PXMP2: variants seen among roughly 807,000 people sequenced by gnomAD.
PXMP2 encodes the protein peroxisomal membrane protein 2, also known as 22 kDa peroxisomal membrane protein.
A neutral mutation model predicts 20.2 loss-of-function variants in PXMP2; 13 were observed. The ratio of observed to expected loss-of-function variants is 0.64; its 90% confidence interval spans 0.42 to 1.02. The LOEUF is 1.02. PXMP2 is among the 50% of genes least tolerant of loss of function. The pLI is 0.00. For missense variants in PXMP2, 284 were observed against 251.8 expected (o/e 1.13, Z -0.87); for synonymous variants, 113 against 111.2 (o/e 1.02, Z -0.10).
chr12:132,689,294 C>T (rs1216342338), intron 1 of PXMP2, among the ~76,000 whole-genome samples: 1 of 151,718 alleles, frequency 6.6e-6, no homozygotes, highest in Non-Finnish European at 1.5e-5. Context: ...CTGCGGGGCG[C>T]GGGTCCGCAC....
Position 132,701,255 on chromosome 12 carries a change from A to G in PXMP2, c.405A>G (p.Lys135=), listed in dbSNP as rs1195804551. Residue 135 remains lysine, a synonymous_variant, in exon 4 of 5, where the codon AAA becomes AAG. Transcript: ENST00000317479. ...FFLIMNFLEG[K]DASAFAAKMR... is the part of the protein sequence containing the mutation. ...CCGCCTTCCCTCCTTTGCAGGGGAA[A>G]GACGCCTCAGCCTTCGCCGCCAAGA... 5.6e-6 allele frequency: 9 copies of G among 1,613,488 alleles called. No homozygotes were observed. In the Admixed American group the frequency reaches 1.5e-4, roughly 27 times the overall value.
Position 132,696,162 on chromosome 12 carries a change from G to A in PXMP2, c.399+116G>A. On this transcript the variant is annotated intron_variant, in intron 3 of 4. Transcript: ENST00000317479. This position sits in a 1 kb window ranked among gnomAD's most constrained non-coding sequence, Gnocchi z 4.4. ...GATTTTTCACTCAAATTGAAATTTT[G>A]CATTTTCTTTTATGAATATAGGAAG... is the stretch of plus-strand genomic sequence containing the variant. The A allele has an allele frequency of 1.6e-6, 2 of 1,278,774 alleles. No individual in the cohort carries two copies. The highest frequency in any genetic ancestry group is 1.7e-5 in the South Asian group (1 of 58,336). The allele number at this position is 1,278,774 out of a possible 1,614,324, so 79.2% of individuals were successfully genotyped here.
intron 3 of PXMP2, among the ~76,000 whole-genome samples, chr12:132,699,837 G>A (rs187876968): frequency 5.9e-5 from 9 of 152,186 alleles, no homozygotes; most frequent in Non-Finnish European, 1.2e-4. Flanking sequence ...AACACACGAG[G>A]GCAGGGATTG....
chr12:132,693,286 G>T (rs554025385), intron 2 of PXMP2, among the ~76,000 whole-genome samples: 2 of 52,698 alleles, frequency 3.8e-5, no homozygotes, highest in African/African-American at 6.4e-5. Flanking sequence ...TTAAGTGAGC[G>T]CCCTTAGCCA....
At chr12:132,703,634 G>A (rs1258405235) in intron 4 of PXMP2, among the ~76,000 whole-genome samples, 4 of 152,174 alleles carry the variant, frequency 2.6e-5, no homozygotes, top group African/African-American at 7.2e-5. Context: ...AGGAAGTCAG[G>A]CGGGCATTTT....
Position 132,701,348 on chromosome 12 carries a change from C to A in PXMP2, c.498C>A (p.Asn166Lys). ...TGTGGACGCCACTACAGTTCATCAA[C>A]ATCAACTACGTCCCTCTGAAGGTGA... ...WRVWTPLQFI[N>K]INYVPLKFRV... The change falls in exon 4 of 5, where the codon AAC (asparagine) becomes AAA (lysine). Residue 166 changes from asparagine (N) to lysine (K), a missense_variant. Physicochemically the swap from Asn to Lys is moderately conservative, Grantham distance 94. Coordinates refer to ENST00000317479, the MANE Select transcript of PXMP2 (RefSeq NM_018663.3). 1 of 1,613,122 alleles carries A rather than the reference C, an allele frequency of 6.2e-7. No homozygotes were observed.
intron 4 of PXMP2, 42 bp downstream of exon 4, chr12:132,701,411 C>A: frequency 1.2e-6 from 2 of 1,604,478 alleles, no homozygotes; most frequent in South Asian, 2.2e-5. Flanking sequence ...ATTACTTTGT[C>A]AGCCTTTTCC....
At chr12:132,692,308 ATTAGTGAGCTCCCTTAGCCAGTTAG>A (rs1565990409) in intron 2 of PXMP2, among the ~76,000 whole-genome samples, 1 of 80,400 alleles carries the variant, frequency 1.2e-5, no homozygotes, top group African/African-American at 4.3e-5. Context: ...TTGCCAGTTA[ATTAGTGAGCTCCCTTAGCCAGTTAG>A]TTAGTGAGCG....
rs568142872 is a variant in PXMP2, at chr12:132,692,410, A to G, written c.236+2034A>G. Among the ~76,000 whole-genome samples the G allele has an allele frequency of 2.1e-3, 206 of 96,286 alleles. 54 individuals are homozygous for G. Among genetic ancestry groups the G allele is most frequent in the Admixed American group, 5.0e-3 (50 of 9,940 alleles). 63.2% of individuals were successfully genotyped at this position (96,286 alleles called of 152,430 possible). ...AGTGAGCTCCCTTAGCCAGTTAATTAGTGAGCTCCCTTAGCCAGTTAGTTA... is the reference window on the plus strand; with the variant it reads ...AGTGAGCTCCCTTAGCCAGTTAATTGGTGAGCTCCCTTAGCCAGTTAGTTA... On this transcript the variant is annotated intron_variant, in intron 2 of 4. Transcript: ENST00000317479.
chr12:132,701,058 T>G (rs1049708608), intron 3 of PXMP2, among the ~76,000 whole-genome samples, 192 bp from the exon 4 acceptor site: 3 of 152,208 alleles, frequency 2.0e-5, no homozygotes, highest in Admixed American at 1.3e-4. Context: ...GTCTGGCATC[T>G]CACTGATCAT....
chr12:132,703,614 C>G (rs975500459), intron 4 of PXMP2, among the ~76,000 whole-genome samples: 1 of 152,108 alleles, frequency 6.6e-6, no homozygotes, highest in Admixed American at 6.6e-5. Flanking sequence ...GGGGCTGGGA[C>G]TGAGGGCAGA....
chr12:132,698,763 A>G (rs1384222937), intron 3 of PXMP2, among the ~76,000 whole-genome samples: 1 of 151,916 alleles, frequency 6.6e-6, no homozygotes, highest in African/African-American at 2.4e-5. Context: ...AGTAGCTGGG[A>G]CAACAGGCGC....
In PXMP2 at chr12:132,696,427, G is replaced by C. The variant is rs988635036; in HGVS notation, c.399+381G>C. Among the ~76,000 whole-genome samples, 2 of 152,046 alleles carry C rather than the reference G, an allele frequency of 1.3e-5. No individual in the cohort carries two copies. Among genetic ancestry groups the C allele is most frequent in the Non-Finnish European group, 2.9e-5 (2 of 68,020 alleles). ...AATCAGATATTTTTATATCACATCA[G>C]TTGTTACAGATATCTCGAAATATAA... On this transcript the variant is annotated intron_variant, in intron 3 of 4. Transcript: ENST00000317479. This position sits in a 1 kb window ranked among gnomAD's most constrained non-coding sequence, Gnocchi z 4.4.
In PXMP2 at chr12:132,690,776, A is replaced by G. The variant is rs149601903; in HGVS notation, c.236+400A>G. 5.8e-4 allele frequency among the ~76,000 whole-genome samples: 88 copies of G among 152,100 alleles called. No individual in the cohort carries two copies. In the East Asian group the frequency reaches 0.013, roughly 23 times the overall value. ...TGGCCAGGCTGGTCTTGAACTCCTG[A>G]CCTCAAGTGATCCACCTTCCTTGGC... is the stretch of plus-strand genomic sequence containing the variant. On this transcript the variant is annotated intron_variant, in intron 2 of 4. Transcript: ENST00000317479.
chr12:132,692,668 T>C (rs1472031494), intron 2 of PXMP2, among the ~76,000 whole-genome samples: 7 of 78,422 alleles, frequency 8.9e-5, no homozygotes. Context: ...TGAGCGCCCT[T>C]AGCCAGTTAG....
At chr12:132,689,798 G>A (rs1319730673) in intron 1 of PXMP2, among the ~76,000 whole-genome samples, 6 of 152,204 alleles carry the variant, frequency 3.9e-5, no homozygotes, top group Non-Finnish European at 8.8e-5. Flanking sequence ...TCTGTGAAAC[G>A]TAGTGCAGTA....
At position 132,690,343 on chromosome 12, in the gene PXMP2, A is replaced by G; in HGVS notation, c.203A>G (p.Asp68Gly). The change falls in exon 2 of 5, where the codon GAT becomes GGT. Residue 68 changes from aspartate to glycine, a missense_variant. Physicochemically the swap from Asp to Gly is moderately conservative, Grantham distance 94 (BLOSUM62 -1). Coordinates refer to ENST00000317479, the MANE Select transcript of PXMP2 (RefSeq NM_018663.3). ...AAAAAAGAAAACTCTAGAAGTCTGGATGTCGGTGGGCCTCTGAGATATGCC... is the reference window on the plus strand; with the variant it reads ...AAAAAAGAAAACTCTAGAAGTCTGGGTGTCGGTGGGCCTCTGAGATATGCC... Reference protein sequence around the residue: ...KRKKENSRSLDVGGPLRYAVY... With the variant: ...KRKKENSRSLGVGGPLRYAVY... The G allele has an allele frequency of 1.2e-6, 2 of 1,614,042 alleles. No individual in the cohort carries two copies. Among genetic ancestry groups the G allele is most frequent in the Non-Finnish European group, 1.7e-6 (2 of 1,179,944 alleles).
chr12:132,695,577 A>T (rs1336067856), intron 2 of PXMP2, among the ~76,000 whole-genome samples: 2 of 152,238 alleles, frequency 1.3e-5, no homozygotes, highest in Non-Finnish European at 2.9e-5. Flanking sequence ...CAGGGCCAAG[A>T]GTGTTAGCAC....
chr12:132,687,709 G>C lies in PXMP2; in HGVS notation c.39G>C (p.Gly13=), dbSNP rs539691585. 2.7e-3 allele frequency: 3,224 copies of C among 1,201,864 alleles called. 9 individuals are homozygous for C. Among genetic ancestry groups the C allele is most frequent in the Non-Finnish European group, 3.1e-3 (3,038 of 969,184 alleles). 74.4% of individuals were successfully genotyped at this position (1,201,864 alleles called of 1,614,324 possible). Residue 13 remains glycine (G), a synonymous_variant, in exon 1 of 5, where the codon GGG becomes GGC. Coordinates refer to ENST00000317479, the MANE Select transcript of PXMP2 (RefSeq NM_018663.3). The part of the protein sequence containing the change: ...PAASRLRAEA[G]LGALPRRALA... ...CGTCCAGGCTGCGGGCCGAAGCCGG[G>C]CTCGGGGCGCTGCCGCGGCGGGCGC...
Sources: allele counts gnomAD v4.1 joint callset (sites outside exome capture counted in the v4.1 genomes callset), GRCh38; gene constraint gnomAD v4.1.1; non-coding constraint Gnocchi (gnomAD v3.1); transcripts MANE v1.5; gene names NCBI Gene and HGNC (gene_info 2026-07-23, HGNC 2026-07-21).